The following AADAC variants were observed in gnomAD, a reference collection of about 807,000 sequenced individuals.
The protein encoded by AADAC is arylacetamide deacetylase (esterase).
A neutral mutation model predicts 22.7 loss-of-function variants in AADAC; 17 were observed. That is an observed-to-expected ratio of 0.75 (90% CI 0.51 to 1.12). The LOEUF (loss-of-function observed/expected upper bound fraction) is 1.12. Among genes scored for constraint, AADAC ranks in the 50% most tolerant of loss-of-function variants. The pLI is 0.00. For synonymous variants in AADAC, 167 were observed against 176.3 expected (o/e 0.95, Z 0.42); for missense variants, 465 against 473.9 (o/e 0.98, Z 0.17).
At position 151,828,307 on chromosome 3, in the gene AADAC, G is replaced by GTT; in HGVS notation, c.*144_*145dup. On this transcript the variant is annotated 3_prime_UTR_variant, in exon 5 of 5. Coordinates refer to ENST00000232892, the MANE Select transcript of AADAC (RefSeq NM_001086.3). ...ATAATTCTTAAATAGGCACTTTTCT[G>GTT]TTTTTTTTTTCTTACTGTGGGATTT... 1.2e-4 allele frequency: 48 copies of GTT among 407,844 alleles called. No individual in the cohort carries two copies. Among genetic ancestry groups the GTT allele is most frequent in the South Asian group, 2.9e-4 (3 of 10,500 alleles). The allele number at this position is 407,844 out of a possible 1,614,324, so 25.3% of individuals were successfully genotyped here. A position where few individuals can be genotyped will look rare whatever the true frequency, so the allele number is the denominator to read the frequency against.
intron 2 of AADAC, among the ~76,000 whole-genome samples, chr3:151,819,578 G>A (rs1461849147): frequency 6.6e-6 from 1 of 151,968 alleles, no homozygotes; most frequent in Non-Finnish European, 1.5e-5. Flanking sequence ...TTATTTTTGT[G>A]CAGGAGAAAT....
chr3:151,820,426 A>G lies in AADAC; in HGVS notation c.405A>G (p.Arg135=), dbSNP rs1716191957. The change falls in exon 3 of 5, where the codon AGA becomes AGG. Residue 135 remains arginine, a synonymous_variant. Transcript: ENST00000232892. The stretch of plus-strand genomic sequence containing the variant: ...TGCTGTCAAGATGGACAGCAGACAG[A>G]CTTGATGCTGTCGTCGTATCAACCA... ...YDLLSRWTAD[R]LDAVVVSTNY... 1.9e-6 allele frequency: 3 copies of G among 1,587,670 alleles called. No homozygotes were observed. Among genetic ancestry groups the G allele is most frequent in the Non-Finnish European group, 2.6e-6 (3 of 1,164,960 alleles).
At chr3:151,825,000 A>G in intron 4 of AADAC, 166 bp downstream of exon 4, 2 of 513,872 alleles carry the variant, frequency 3.9e-6, no homozygotes, top group Non-Finnish European at 6.2e-6. Context: ...CTAAAACATT[A>G]TAATATCAAT....
Position 151,814,161 on chromosome 3 carries a change from C to T in AADAC, c.-2C>T, listed in dbSNP as rs1363224805. ...TAGAGACCAAGAAGCGGGACGTTCACCATGGGAAGAAAATCGCTGTACCTT... is the reference window on the plus strand; with the variant it reads ...TAGAGACCAAGAAGCGGGACGTTCATCATGGGAAGAAAATCGCTGTACCTT... On this transcript the variant is annotated 5_prime_UTR_variant, in exon 1 of 5. Coordinates refer to ENST00000232892, the MANE Select transcript of AADAC (RefSeq NM_001086.3). 6.2e-7 allele frequency: 1 copy of T among 1,613,348 alleles called. No individual in the cohort carries two copies. Among genetic ancestry groups the T allele is most frequent in the Non-Finnish European group, 8.5e-7 (1 of 1,179,516 alleles).
At chr3:151,815,919 T>C (rs1171577704) in intron 1 of AADAC, among the ~76,000 whole-genome samples, 1 of 152,020 alleles carries the variant, frequency 6.6e-6, no homozygotes, top group East Asian at 1.9e-4. Context: ...TAAAGGATTA[T>C]GTTATGAACA....
chr3:151,826,808 C>T (rs1716515225), intron 4 of AADAC, among the ~76,000 whole-genome samples: 1 of 151,886 alleles, frequency 6.6e-6, no homozygotes, highest in African/African-American at 2.4e-5. Context: ...AAGTCTTGCC[C>T]AAATCTCCTA....
chr3:151,821,753 AG>A (rs149409108), intron 3 of AADAC, among the ~76,000 whole-genome samples: 79 of 152,088 alleles, frequency 5.2e-4, no homozygotes, highest in African/African-American at 1.8e-3. Context: ...ATAAATCACT[AG>A]TACATGAAAG....
chr3:151,821,289 C>T (rs1171177947), intron 3 of AADAC, among the ~76,000 whole-genome samples: 1 of 151,838 alleles, frequency 6.6e-6, no homozygotes, highest in Non-Finnish European at 1.5e-5. Context: ...AAGTGTTATA[C>T]ACTGCGCTAA....
intron 3 of AADAC, among the ~76,000 whole-genome samples, chr3:151,823,693 A>T (rs1334421444): frequency 6.6e-6 from 1 of 152,000 alleles, no homozygotes; most frequent in African/African-American, 2.4e-5. Context: ...CTACTTAGCA[A>T]AACTCTTTGA....
intron 1 of AADAC, 149 bp from the exon 2 acceptor site, chr3:151,817,217 T>G: frequency 1.5e-6 from 1 of 666,844 alleles, no homozygotes; most frequent in Non-Finnish European, 2.5e-6. Context: ...CATTTCTGGT[T>G]TCTTTTAAAA....
At position 151,814,446 on chromosome 3, in the gene AADAC, GA is replaced by G; in HGVS notation, c.138+149del. ...GTGGCCTTTGACAATGTGTTACTTA[GA>G]AATGTTGTTTGTTTTCTGTCTTATG... On this transcript the variant is annotated intron_variant, in intron 1 of 4. Coordinates refer to ENST00000232892, the MANE Select transcript of AADAC (RefSeq NM_001086.3). 2.3e-6 allele frequency: 2 copies of G among 858,258 alleles called. 1 individual carries two copies. Among genetic ancestry groups the G allele is most frequent in the African/African-American group, 3.4e-5 (2 of 58,372 alleles). The allele number at this position is 858,258 out of a possible 1,614,324, so 53.2% of individuals were successfully genotyped here. A position where few individuals can be genotyped will look rare whatever the true frequency, so the allele number is the denominator to read the frequency against.
intron 1 of AADAC, among the ~76,000 whole-genome samples, chr3:151,815,011 T>G (rs928622639): frequency 5.9e-5 from 9 of 152,102 alleles, no homozygotes; most frequent in South Asian, 4.1e-4. Context: ...TCTTTTATTT[T>G]GCATTTATTC....
At chr3:151,821,704 A>G (rs1324629022) in intron 3 of AADAC, among the ~76,000 whole-genome samples, 1 of 152,000 alleles carries the variant, frequency 6.6e-6, no homozygotes, top group East Asian at 1.9e-4. Flanking sequence ...AAATTATAGT[A>G]TAAGACCGAC....
intron 4 of AADAC, 94 bp from the exon 5 acceptor site, chr3:151,827,482 T>G: frequency 1.2e-6 from 1 of 807,118 alleles, no homozygotes; most frequent in Middle Eastern, 3.7e-4. Flanking sequence ...GATAGATAGA[T>G]AAAAACAAGA....
At chr3:151,819,823 G>A (rs1716157795) in intron 2 of AADAC, among the ~76,000 whole-genome samples, 2 of 151,960 alleles carry the variant, frequency 1.3e-5, no homozygotes, top group Non-Finnish European at 2.9e-5. Flanking sequence ...GCCTCAGCTA[G>A]ATACATTCTT....
At chr3:151,822,794 A>G (rs1202242781) in intron 3 of AADAC, among the ~76,000 whole-genome samples, 1 of 152,020 alleles carries the variant, frequency 6.6e-6, no homozygotes, top group Non-Finnish European at 1.5e-5. Context: ...TGGCATGAGG[A>G]AAATCTTCCA....
At chr3:151,822,255 T>C (rs1716282410) in intron 3 of AADAC, among the ~76,000 whole-genome samples, 1 of 152,006 alleles carries the variant, frequency 6.6e-6, no homozygotes, top group Non-Finnish European at 1.5e-5. Flanking sequence ...CGGCAGCTCC[T>C]TAAAAGTTCA....
intron 3 of AADAC, among the ~76,000 whole-genome samples, chr3:151,823,804 T>C (rs140561222): frequency 0.02 from 3,043 of 152,116 alleles, 93 homozygotes; most frequent in East Asian, 0.12. Flanking sequence ...AAAAAACATG[T>C]ACTAGAATAT....
At chr3:151,815,047 T>C (rs1195963050) in intron 1 of AADAC, among the ~76,000 whole-genome samples, 1 of 152,046 alleles carries the variant, frequency 6.6e-6, no homozygotes, top group South Asian at 2.1e-4. Context: ...TCAAATCCTA[T>C]TAGGCAAACA....
Sources: gnomAD v4.1 joint callset for allele counts (sites outside exome capture counted in the v4.1 genomes callset) on GRCh38, gnomAD v4.1.1 for gene constraint, MANE v1.5 for transcripts, NCBI Gene and HGNC (gene_info 2026-07-23, HGNC 2026-07-21) for gene names.